MVB12B: variants seen among roughly 807,000 people sequenced by gnomAD.
MVB12B encodes ESCRT-I complex subunit MVB12B.
A neutral mutation model predicts 41.6 loss-of-function variants in MVB12B; 16 were observed. The ratio of observed to expected loss-of-function variants is 0.38; its 90% CI spans 0.26 to 0.58. The LOEUF is 0.58. Ranked by LOEUF, MVB12B falls within the 20% of genes least tolerant of loss-of-function variation. The pLI is 0.62. For missense variants in MVB12B, 274 were observed against 380.2 expected (o/e 0.72, Z 2.32); for synonymous variants, 133 against 139.7 (o/e 0.95, Z 0.34).
chr9:126,381,003 C>T (rs1480452217), intron 2 of MVB12B, 61 bp from the exon 3 acceptor site: 26 of 1,353,418 alleles, frequency 1.9e-5, no homozygotes, highest in Admixed American at 5.1e-5. Flanking sequence ...AAGTGGCCCA[C>T]GCGCACCTTC....
intron 7 of MVB12B, among the ~76,000 whole-genome samples, chr9:126,458,206 A>G (rs10760436): frequency 0.35 from 53,332 of 152,006 alleles, 10,507 homozygotes; most frequent in East Asian, 0.47. Context: ...TTACTCGCCC[A>G]CCAGGTCACA....
chr9:126,482,190 G>A (rs921948103), intron 8 of MVB12B, among the ~76,000 whole-genome samples: 1 of 146,970 alleles, frequency 6.8e-6, no homozygotes, highest in Non-Finnish European at 1.5e-5. Context: ...GGTGGCAGTG[G>A]CCCCCTCCCA....
At chr9:126,476,866 G>A (rs1377313327) in intron 7 of MVB12B, among the ~76,000 whole-genome samples, 4 of 111,888 alleles carry the variant, frequency 3.6e-5, no homozygotes, top group Middle Eastern at 9.1e-3. Context: ...GACAGAGCGA[G>A]ACTCCATCTC....
intron 7 of MVB12B, among the ~76,000 whole-genome samples, chr9:126,428,754 G>A (rs1832250341): frequency 6.6e-6 from 1 of 152,150 alleles, no homozygotes; most frequent in Non-Finnish European, 1.5e-5. Context: ...CCCTGTGCTC[G>A]GGTGAGTGTG....
At chr9:126,327,043 G>C (rs898437193) in intron 1 of MVB12B, 33 bp downstream of exon 1, 1 of 155,222 alleles carries the variant, frequency 6.4e-6, no homozygotes, top group Non-Finnish European at 1.4e-5. Flanking sequence ...CGGAGGCTCG[G>C]CGGAGCCGGC....
chr9:126,374,716 G>A (rs2118938148), intron 2 of MVB12B, among the ~76,000 whole-genome samples: 1 of 152,314 alleles, frequency 6.6e-6, no homozygotes, highest in Admixed American at 6.5e-5. Flanking sequence ...TGCAGCTTTG[G>A]ACATTGTCAC....
intron 9 of MVB12B, among the ~76,000 whole-genome samples, chr9:126,502,092 A>G (rs1386136082): frequency 2.0e-5 from 3 of 152,148 alleles, no homozygotes; most frequent in Admixed American, 1.3e-4. Context: ...TGACAATTCT[A>G]CTGCTAAAAC....
intron 9 of MVB12B, among the ~76,000 whole-genome samples, chr9:126,499,158 C>G (rs1833898147): frequency 6.6e-6 from 1 of 152,184 alleles, no homozygotes; most frequent in African/African-American, 2.4e-5. Context: ...TCACAGGACA[C>G]TGACCTCACT....
At chr9:126,457,159 A>T (rs1382774067) in intron 7 of MVB12B, among the ~76,000 whole-genome samples, 1 of 151,908 alleles carries the variant, frequency 6.6e-6, no homozygotes, top group Non-Finnish European at 1.5e-5. Context: ...TTTTTAATCG[A>T]TGTCAGCTCC....
chr9:126,374,024 CT>C (rs1467630941), intron 2 of MVB12B, among the ~76,000 whole-genome samples: 4 of 152,226 alleles, frequency 2.6e-5, no homozygotes, highest in African/African-American at 7.2e-5. Flanking sequence ...CTTACTCTTT[CT>C]CCTGAACTTT....
intron 2 of MVB12B, among the ~76,000 whole-genome samples, chr9:126,377,025 C>G (rs551797761): frequency 6.8e-6 from 1 of 146,544 alleles, no homozygotes; most frequent in African/African-American, 2.5e-5. Flanking sequence ...CTTGCTAAAT[C>G]CCTTGCCCTC....
intron 8 of MVB12B, 142 bp from the exon 9 acceptor site, chr9:126,483,831 C>A: frequency 2.4e-6 from 2 of 837,786 alleles, no homozygotes; most frequent in South Asian, 1.6e-5. Flanking sequence ...GAGAGTCCCA[C>A]TGACTGTCTT....
At chr9:126,407,355 C>CCTG (rs1328106181) in intron 6 of MVB12B, among the ~76,000 whole-genome samples, 1 of 152,172 alleles carries the variant, frequency 6.6e-6, no homozygotes, top group Non-Finnish European at 1.5e-5. Flanking sequence ...CAGGAGGGAC[C>CCTG]CTGGCCTTCT....
chr9:126,421,832 C>T (rs754243104), intron 6 of MVB12B, 22 bp from the exon 7 acceptor site: 1 of 1,584,996 alleles, frequency 6.3e-7, no homozygotes. Flanking sequence ...AATCTCCTTT[C>T]TCTCGTCCTT....
Position 126,328,110 on chromosome 9 carries a change from T to A in MVB12B, c.81+1100T>A, listed in dbSNP as rs566703413. On this transcript the variant is annotated intron_variant, in intron 1 of 9. Coordinates refer to ENST00000361171, the MANE Select transcript of MVB12B (RefSeq NM_033446.3). ...AAAATAAGCTCTGTGAAGCCTTGAC[T>A]AACTGAAAAACTCAATGTGCTAGGA... Among the ~76,000 whole-genome samples, 15 of 152,328 alleles carry A rather than the reference T, an allele frequency of 9.8e-5. No homozygotes were observed. The South Asian group carries it at 2.9e-3, about 29-fold the overall frequency.
intron 7 of MVB12B, among the ~76,000 whole-genome samples, chr9:126,446,745 G>T (rs1475119056): frequency 2.0e-5 from 3 of 151,440 alleles, no homozygotes; most frequent in African/African-American, 7.3e-5. Context: ...TTAAGAGTTT[G>T]TATTTATCTT....
chr9:126,338,513 T>A (rs944863658), intron 1 of MVB12B, among the ~76,000 whole-genome samples: 1 of 151,524 alleles, frequency 6.6e-6, no homozygotes, highest in Non-Finnish European at 1.5e-5. Flanking sequence ...CACTTCTCTC[T>A]CTCCTCCTTT....
chr9:126,501,232 A>C (rs964212859), intron 9 of MVB12B, among the ~76,000 whole-genome samples: 5 of 152,252 alleles, frequency 3.3e-5, no homozygotes, highest in African/African-American at 1.2e-4. Context: ...CCAGATGCTC[A>C]GTGATCGCTT....
intron 6 of MVB12B, among the ~76,000 whole-genome samples, chr9:126,418,070 C>T (rs954632474): frequency 1.1e-4 from 17 of 149,382 alleles, no homozygotes; most frequent in African/African-American, 3.9e-4. Flanking sequence ...GCTGGTGTGC[C>T]GGGGATGTGT....
Sources: gnomAD v4.1 joint callset for allele counts (sites outside exome capture counted in the v4.1 genomes callset) on GRCh38, gnomAD v4.1.1 for gene constraint, MANE v1.5 for transcripts, NCBI Gene and HGNC (gene_info 2026-07-23, HGNC 2026-07-21) for gene names.